Variants in FBXL17 observed in about 807,000 individuals in gnomAD.
The protein encoded by FBXL17 is F-box/LRR-repeat protein 17.
FBXL17 carries 22 observed loss-of-function variants against 66.2 expected under a neutral mutation model. That is an observed-to-expected ratio of 0.33 (90% CI 0.24 to 0.47). The LOEUF (loss-of-function observed/expected upper bound fraction) is 0.47. Among genes scored for constraint, FBXL17 ranks in the 20% least tolerant of loss-of-function variants. The probability of loss-of-function intolerance (pLI) is 1.00; values close to 1 mark genes in which losing one functional copy is unlikely to be tolerated. For synonymous variants in FBXL17, 474 were observed against 400.5 expected (o/e 1.18, Z -2.19); for missense variants, 878 against 948.2 (o/e 0.93, Z 0.97).
intron 6 of FBXL17, among the ~76,000 whole-genome samples, chr5:108,084,191 G>A (rs904762646): frequency 1.3e-5 from 2 of 152,126 alleles, no homozygotes; most frequent in African/African-American, 2.4e-5. Context: ...CTACATATAC[G>A]TGCCGCAAGC....
At chr5:108,336,365 A>G (rs1760383725) in intron 4 of FBXL17, among the ~76,000 whole-genome samples, 1 of 152,174 alleles carries the variant, frequency 6.6e-6, no homozygotes, top group Non-Finnish European at 1.5e-5. Flanking sequence ...AATTGCAACA[A>G]TAAAGTCAAG....
chr5:108,042,624 T>C (rs1314642131), intron 6 of FBXL17, among the ~76,000 whole-genome samples: 1 of 152,234 alleles, frequency 6.6e-6, no homozygotes, highest in Non-Finnish European at 1.5e-5. Context: ...TAGTATTCCA[T>C]GATATGCACA....
rs184772931 is a variant in FBXL17, at chr5:107,964,775, T to C, written c.1822+56150A>G. On this transcript the variant is annotated intron_variant, in intron 7 of 8. Coordinates refer to ENST00000542267, the MANE Select transcript of FBXL17 (RefSeq NM_001163315.3). The stretch of plus-strand genomic sequence containing the variant: ...TATAGACAAAAGCTCTAAGAACTCA[T>C]AATCTCTTCTTTTTGGATTTTGTCA... Among the ~76,000 whole-genome samples the C allele has an allele frequency of 1.5e-3, 233 of 152,220 alleles. 2 individuals are homozygous for C. The highest frequency in any genetic ancestry group is 5.4e-3 in the African/African-American group (224 of 41,554).
At chr5:108,334,592 T>C (rs1423281069) in intron 4 of FBXL17, among the ~76,000 whole-genome samples, 4 of 152,182 alleles carry the variant, frequency 2.6e-5, no homozygotes, top group Non-Finnish European at 5.9e-5. Flanking sequence ...GCAGAAAGGA[T>C]TATGACCAAC....
chr5:107,865,611 C>T (rs1223760087), intron 8 of FBXL17, among the ~76,000 whole-genome samples: 1 of 152,110 alleles, frequency 6.6e-6, no homozygotes, highest in Non-Finnish European at 1.5e-5. Context: ...AAAAATGGCA[C>T]CAGTAATCCT....
intron 4 of FBXL17, among the ~76,000 whole-genome samples, chr5:108,310,053 T>C (rs1040371090): frequency 1.1e-4 from 16 of 152,108 alleles, no homozygotes; most frequent in Non-Finnish European, 1.9e-4. Flanking sequence ...ATATTTAAGG[T>C]TTTTTAAAGG....
chr5:107,908,717 G>C (rs1749846394), intron 7 of FBXL17, among the ~76,000 whole-genome samples: 1 of 152,174 alleles, frequency 6.6e-6, no homozygotes, highest in Non-Finnish European at 1.5e-5. Context: ...GCCCTTGGGT[G>C]GGAATGCTCG....
At chr5:108,063,973 AAAG>A (rs1156821611) in intron 6 of FBXL17, among the ~76,000 whole-genome samples, 1 of 152,168 alleles carries the variant, frequency 6.6e-6, no homozygotes, top group Non-Finnish European at 1.5e-5. Flanking sequence ...ACATGACACT[AAAG>A]AACAGCTTTT....
intron 6 of FBXL17, among the ~76,000 whole-genome samples, chr5:108,179,875 G>T (rs1449427383): frequency 6.6e-6 from 1 of 152,068 alleles, no homozygotes; most frequent in African/African-American, 2.4e-5. Flanking sequence ...ATTTAAATAT[G>T]AAATATCTAA....
At chr5:108,257,964 C>T (rs1014671774) in intron 4 of FBXL17, among the ~76,000 whole-genome samples, 1 of 152,074 alleles carries the variant, frequency 6.6e-6, no homozygotes, top group African/African-American at 2.4e-5. Flanking sequence ...ATCTCAAAGA[C>T]TGATCACATT....
chr5:108,369,227 G>T (rs1025292917), intron 1 of FBXL17, among the ~76,000 whole-genome samples: 1 of 152,212 alleles, frequency 6.6e-6, no homozygotes, highest in Non-Finnish European at 1.5e-5. Flanking sequence ...TGAGTATTCA[G>T]TGAAAGGCTG....
chr5:107,950,927 AT>A (rs1384850337), intron 7 of FBXL17, among the ~76,000 whole-genome samples: 2 of 152,152 alleles, frequency 1.3e-5, no homozygotes, highest in Non-Finnish European at 2.9e-5. Context: ...GGCAAAACTA[AT>A]TTTCAAATTA....
At chr5:108,124,420 C>G (rs1750618319) in intron 6 of FBXL17, among the ~76,000 whole-genome samples, 1 of 151,974 alleles carries the variant, frequency 6.6e-6, no homozygotes, top group Non-Finnish European at 1.5e-5. Context: ...AATAAGGAGG[C>G]CAGGCTGTTA....
chr5:108,227,141 G>A (rs1012702457), intron 4 of FBXL17, among the ~76,000 whole-genome samples: 1 of 152,022 alleles, frequency 6.6e-6, no homozygotes, highest in Non-Finnish European at 1.5e-5. Context: ...ACAATCCCAA[G>A]TTTTATTATA....
intron 7 of FBXL17, among the ~76,000 whole-genome samples, chr5:107,909,491 CAAT>C (rs1270216633): frequency 6.6e-6 from 1 of 152,142 alleles, no homozygotes; most frequent in Non-Finnish European, 1.5e-5. Flanking sequence ...CCTTGAACAA[CAAT>C]GAGAATGATG....
chr5:108,190,634 G>A (rs1753433818), intron 5 of FBXL17, among the ~76,000 whole-genome samples: 1 of 152,034 alleles, frequency 6.6e-6, no homozygotes, highest in Non-Finnish European at 1.5e-5. Context: ...TTGCATTAGG[G>A]CTAGATAGGT....
At chr5:108,146,367 C>A (rs973904597) in intron 6 of FBXL17, among the ~76,000 whole-genome samples, 76 of 151,914 alleles carry the variant, frequency 5.0e-4, no homozygotes, top group African/African-American at 1.8e-3. Flanking sequence ...GATTCATGGG[C>A]TCCATGGTAA....
intron 6 of FBXL17, among the ~76,000 whole-genome samples, chr5:108,046,235 A>C (rs952458998): frequency 6.6e-6 from 1 of 152,162 alleles, no homozygotes; most frequent in African/African-American, 2.4e-5. Context: ...AATTTTCTAA[A>C]ATATACTTTA....
intron 5 of FBXL17, among the ~76,000 whole-genome samples, chr5:108,186,493 C>T (rs920742007): frequency 6.7e-6 from 1 of 148,446 alleles, no homozygotes; most frequent in South Asian, 2.1e-4. Flanking sequence ...TAGATTTGGC[C>T]AGGCGCGGTG....
Sources: gnomAD v4.1 joint callset for allele counts (sites outside exome capture counted in the v4.1 genomes callset) on GRCh38, gnomAD v4.1.1 for gene constraint, MANE v1.5 for transcripts, NCBI Gene and HGNC (gene_info 2026-07-23, HGNC 2026-07-21) for gene names.